Variants in TNXB observed in about 807,000 individuals in gnomAD.
TNXB encodes tenascin XB.
In TNXB, 183 loss-of-function variants were observed where a neutral mutation model predicts 340.5. That is an observed-to-expected ratio of 0.54 (90% CI 0.48 to 0.61). The LOEUF is 0.61. Ranked by LOEUF, TNXB falls within the 20% of genes least tolerant of loss-of-function variation. TNXB has a pLI of 0.00. For synonymous variants in TNXB, 2,121 were observed against 2,314.5 expected, an observed-to-expected ratio of 0.92 and a Z score of 2.40; for missense variants, 4,613 against 5,446.4, an observed-to-expected ratio of 0.85 and a Z score of 4.82.
chr6:32,092,531 T>TGGAC (rs775559052), intron 4 of TNXB, among the ~76,000 whole-genome samples: 1 of 151,284 alleles, frequency 6.6e-6, no homozygotes, highest in Non-Finnish European at 1.5e-5. Flanking sequence ...CCCACAGAAA[T>TGGAC]GGACAAAGGG....
intron 23 of TNXB, 97 bp from the exon 24 acceptor site, chr6:32,056,271 G>T: frequency 7.1e-7 from 1 of 1,413,004 alleles, no homozygotes; most frequent in Non-Finnish European, 9.5e-7. Flanking sequence ...TACTGGGTAT[G>T]TGAGGTCATT....
chr6:32,080,607 C>G lies in TNXB; in HGVS notation c.4042+761G>C, dbSNP rs1041474621. On this transcript the variant is annotated intron_variant, in intron 10 of 43. Coordinates refer to ENST00000644971, the MANE Select transcript of TNXB (RefSeq NM_001365276.2). The surrounding 1 kb of genome is among the most constrained non-coding windows in gnomAD (Gnocchi z 4.3). ...CCTGACAGAAGGGAAAGCTGAGGCACAGAGAGGTTAAGCAATTTGCACAAG... is the reference window on the plus strand; with the variant it reads ...CCTGACAGAAGGGAAAGCTGAGGCAGAGAGAGGTTAAGCAATTTGCACAAG... Among the ~76,000 whole-genome samples, 1 of 152,200 alleles carries G rather than the reference C, an allele frequency of 6.6e-6. No homozygotes were observed. Among genetic ancestry groups the G allele is most frequent in the Non-Finnish European group, 1.5e-5 (1 of 68,040 alleles).
At position 32,070,364 on chromosome 6, in the gene TNXB, A is replaced by C. The variant is rs761353404; in HGVS notation, c.5041T>G (p.Trp1681Gly). ...GAGTCTGGGGTGGGGTCTGTCACCC[A>C]CAGCTCCCCAAGGCGGGGTGGGGCC... ...PGAPPRLGEL[W>G]VTDPTPDSLR... Residue 1681 changes from tryptophan (W) to glycine (G), a missense_variant, in exon 14 of 44, where the codon TGG (tryptophan) becomes GGG (glycine). Transcript: ENST00000644971. This position sits in a 1 kb window ranked among gnomAD's most constrained non-coding sequence, Gnocchi z 6.0. 6.2e-7 allele frequency: 1 copy of C among 1,606,178 alleles called. No individual in the cohort carries two copies. Among genetic ancestry groups the C allele is most frequent in the Non-Finnish European group, 8.5e-7 (1 of 1,176,784 alleles).
In TNXB at chr6:32,079,076, G is replaced by A. The variant is rs61998168; in HGVS notation, c.4332C>T (p.His1444=). 8,595 of 1,613,354 alleles carry A rather than the reference G, an allele frequency of 5.3e-3. 241 individuals carry two copies. The African/African-American group carries it at 0.074, about 14-fold the overall frequency. ...ACACCGGGCCCACGCGCTGCCCCTCGTGGAGGCCGTACAGGTGCATCTTGT... is the reference window on the plus strand; with the variant it reads ...ACACCGGGCCCACGCGCTGCCCCTCATGGAGGCCGTACAGGTGCATCTTGT... The part of the protein sequence containing the change: ...HKYKMHLYGL[H]EGQRVGPVSA... Residue 1444 remains histidine, a synonymous_variant, in exon 11 of 44, where the codon CAC becomes CAT. Coordinates refer to ENST00000644971, the MANE Select transcript of TNXB (RefSeq NM_001365276.2). The surrounding 1 kb of genome is among the most constrained non-coding windows in gnomAD (Gnocchi z 7.1).
rs373401368 is a variant in TNXB at position 32,048,696 on chromosome 6, C to T, written c.9758-46G>A. The T allele has an allele frequency of 4.9e-5, 67 of 1,378,852 alleles. No homozygotes were observed. In the African/African-American group the frequency reaches 8.2e-4, roughly 17 times the overall value. The allele number at this position is 1,378,852 out of a possible 1,614,324, so 85.4% of individuals were successfully genotyped here. ...CCATGGGTCAGGAGGCAGGACCCTG[C>T]GCAAGGGAGGCAGTGCTCTCCCAGG... On this transcript the variant is annotated intron_variant, in intron 28 of 43. Transcript: ENST00000644971.
Position 32,098,154 on chromosome 6 carries a change from CAGG to C in TNXB, c.42_44del (p.Leu15del), listed in dbSNP as rs778404358. 2 of 1,567,536 alleles carry C rather than the reference CAGG, an allele frequency of 1.3e-6. No individual in the cohort carries two copies. The highest frequency in any genetic ancestry group is 1.7e-6 in the Non-Finnish European group (2 of 1,152,210). ...CTGCTCTGGCTGTGCTCAGCAGCACCAGGAGAACCAGGCTGGAGGTTAGAGCAT... is the reference window on the plus strand; with the variant it reads ...CTGCTCTGGCTGTGCTCAGCAGCACCAGAACCAGGCTGGAGGTTAGAGCAT... On this transcript the variant is annotated inframe_deletion, in exon 2 of 44. Transcript: ENST00000644971.
chr6:32,098,432 C>A (rs1398057352), intron 1 of TNXB, among the ~76,000 whole-genome samples: 1 of 151,972 alleles, frequency 6.6e-6, no homozygotes, highest in African/African-American at 2.4e-5. Flanking sequence ...ACCCCCTTTT[C>A]TATTGTGTTC....
In TNXB at chr6:32,089,746, G is replaced by A. The variant is rs189401160; in HGVS notation, c.2359-367C>T. Among the ~76,000 whole-genome samples the A allele has an allele frequency of 2.2e-3, 337 of 152,080 alleles. 1 individual carries two copies. Among genetic ancestry groups the A allele is most frequent in the African/African-American group, 5.1e-3 (211 of 41,482 alleles). ...GTGTGATCCCAGAGTCCCCTCTCAT[G>A]GGCACCCCCTATTTATCTGTCAGAG... On this transcript the variant is annotated intron_variant, in intron 4 of 43. Coordinates refer to ENST00000644971, the MANE Select transcript of TNXB (RefSeq NM_001365276.2). This position sits in a 1 kb window ranked among gnomAD's most constrained non-coding sequence, Gnocchi z 6.2.
rs1291370559 is a variant in TNXB at position 32,085,902 on chromosome 6, T to G, written c.2996A>C (p.Glu999Ala). The G allele has an allele frequency of 3.1e-6, 5 of 1,608,306 alleles. No individual in the cohort carries two copies. The highest frequency in any genetic ancestry group is 4.2e-6 in the Non-Finnish European group (5 of 1,178,732). Residue 999 changes from glutamate to alanine, a missense_variant, in exon 7 of 44, where the codon GAG becomes GCG. Transcript: ENST00000644971. This position sits in a 1 kb window ranked among gnomAD's most constrained non-coding sequence, Gnocchi z 6.4. ...AYFQLRMRVP[E>A]GPGAHEEVLP... ...CACTTCCTCATGTGCCCCCGGCCCCTCGGGCACCCGCATGCGCAGTTGGAA... is the reference window on the plus strand; with the variant it reads ...CACTTCCTCATGTGCCCCCGGCCCCGCGGGCACCCGCATGCGCAGTTGGAA...
chr6:32,060,332 C>CAAA (rs9279480), intron 21 of TNXB, among the ~76,000 whole-genome samples: 1 of 129,312 alleles, frequency 7.7e-6, no homozygotes, highest in African/African-American at 2.9e-5. Flanking sequence ...AACTTCATCT[C>CAAA]AAAAAAAAAA....
rs952624949 is a variant in TNXB at position 32,068,204 on chromosome 6, C to G, written c.6220+186G>C. Reference sequence around the variant, plus strand: ...CCAGCACAGCAAAATTCCCGATGGCCCCTCTCTGTTCAGGAGGAGCCAGTG... The same window carrying G: ...CCAGCACAGCAAAATTCCCGATGGCGCCTCTCTGTTCAGGAGGAGCCAGTG... On this transcript the variant is annotated intron_variant, in intron 17 of 43. Transcript: ENST00000644971. The surrounding 1 kb of genome is among the most constrained non-coding windows in gnomAD (Gnocchi z 5.3). Among the ~76,000 whole-genome samples the G allele has an allele frequency of 5.6e-4, 85 of 152,136 alleles. No individual in the cohort carries two copies. Among genetic ancestry groups the G allele is most frequent in the African/African-American group, 2.0e-3 (84 of 41,408 alleles).
At position 32,062,423 on chromosome 6, in the gene TNXB, G is replaced by A. The variant is rs2269428; in HGVS notation, c.6902C>T (p.Pro2301Leu). 3.5e-5 allele frequency: 56 copies of A among 1,612,688 alleles called. No individual in the cohort carries two copies. Among genetic ancestry groups the A allele is most frequent in the Admixed American group, 6.7e-5 (4 of 59,984 alleles). ...CAGCTCCTCCAGGCGAGGCTTGATG[G>A]GGGGTTCAGGGGTGGGAGGTTCTGT... ...ASTEPPTPEP[P>L]IKPRLEELTV... The change falls in exon 20 of 44, where the codon CCC becomes CTC. Residue 2301 changes from proline to leucine, a missense_variant. Transcript: ENST00000644971. The surrounding 1 kb of genome is among the most constrained non-coding windows in gnomAD (Gnocchi z 4.3).
Position 32,081,500 on chromosome 6 carries a change from C to G in TNXB, c.3910G>C (p.Ala1304Pro), listed in dbSNP as rs1212558739. The change falls in exon 10 of 44, where the codon GCA (alanine) becomes CCA (proline). Residue 1304 changes from alanine to proline, a missense_variant. Ala to Pro is a conservative substitution (Grantham distance 27). Around this residue, in one of 7 missense-constraint regions of TNXB, gnomAD observed 4,327 missense variants for 4,859.4 expected, o/e 0.89. Transcript: ENST00000644971. This position sits in a 1 kb window ranked among gnomAD's most constrained non-coding sequence, Gnocchi z 5.1. ...QYKDAQGQPQ[A>P]VPVAGDENEV... The stretch of plus-strand genomic sequence containing the variant: ...TTCTCATCCCCCGCAACAGGCACTG[C>G]CTGGGGCTGCCCCTGTGCATCCTTG... 2 of 1,606,642 alleles carry G rather than the reference C, an allele frequency of 1.2e-6. No individual in the cohort carries two copies. The highest frequency in any genetic ancestry group is 2.7e-5 in the African/African-American group (2 of 74,806).
In TNXB at chr6:32,066,292, G is replaced by C. The variant is rs557699833; in HGVS notation, c.6545-1175C>G. On this transcript the variant is annotated intron_variant, in intron 18 of 43. Transcript: ENST00000644971. Reference sequence around the variant, plus strand: ...ACCTGTGGCCCCAGCTACCTGGGGGGCTGAGATGGGAGGATGGCTTGAGCC... The same window carrying C: ...ACCTGTGGCCCCAGCTACCTGGGGGCCTGAGATGGGAGGATGGCTTGAGCC... Among the ~76,000 whole-genome samples, 4 of 152,256 alleles carry C rather than the reference G, an allele frequency of 2.6e-5. No homozygotes were observed. The East Asian group carries it at 7.7e-4, about 29-fold the overall frequency.
Position 32,048,643 on chromosome 6 carries a change from C to T in TNXB, c.9765G>A (p.Leu3255=). Residue 3255 remains leucine (L), a synonymous_variant, in exon 29 of 44, where the codon CTG becomes CTA. Coordinates refer to ENST00000644971, the MANE Select transcript of TNXB (RefSeq NM_001365276.2). ...GGGGCTCCACCGGCAGTGGTGTGGG[C>T]AGGGGCGCTGAAAAGAGCAGAGCAG... ...PVSTVGITAP[L]PTPLPVEPRL... 3.4e-6 allele frequency: 5 copies of T among 1,481,784 alleles called. No homozygotes were observed. The highest frequency in any genetic ancestry group is 4.5e-6 in the Non-Finnish European group (5 of 1,110,442). 91.8% of individuals were successfully genotyped at this position (1,481,784 alleles called of 1,614,324 possible).
At chr6:32,106,368 T>C (rs922415712) in intron 1 of TNXB, among the ~76,000 whole-genome samples, 1 of 150,986 alleles carries the variant, frequency 6.6e-6, no homozygotes, top group East Asian at 1.9e-4. Flanking sequence ...TGAGGAGAGA[T>C]GTTGAAAGGT....
In TNXB at chr6:32,043,513, C is replaced by G; in HGVS notation, c.11574G>C (p.Glu3858Asp). The change falls in exon 36 of 44, where the codon GAG (glutamate) becomes GAC (aspartate). Residue 3858 changes from glutamate (E) to aspartate (D), a missense_variant. Glu to Asp is a conservative substitution (Grantham distance 45, BLOSUM62 2). Coordinates refer to ENST00000644971, the MANE Select transcript of TNXB (RefSeq NM_001365276.2). ...GCTTCCAGTGCAGCACGGCGAATCC[C>G]TCGGTCAAGTTCAGTGCACGCAACT... ...PTQLRALNLT[E>D]GFAVLHWKPP... 7.7e-6 allele frequency: 6 copies of G among 778,816 alleles called. No homozygotes were observed. Among genetic ancestry groups the G allele is most frequent in the Non-Finnish European group, 1.2e-5 (6 of 481,850 alleles). The allele number at this position is 778,816 out of a possible 1,614,324, so 48.2% of individuals were successfully genotyped here.
rs1439625966 is a variant in TNXB, at chr6:32,085,893, C to T, written c.3005G>A (p.Gly1002Glu). The change falls in exon 7 of 44, where the codon GGG becomes GAG. Residue 1002 changes from glycine to glutamate, a missense_variant. Gly to Glu is a moderately conservative substitution (Grantham distance 98, BLOSUM62 -2). Around this residue, in one of 7 missense-constraint regions of TNXB, gnomAD observed 4,327 missense variants for 4,859.4 expected, o/e 0.89. Coordinates refer to ENST00000644971, the MANE Select transcript of TNXB (RefSeq NM_001365276.2). This position sits in a 1 kb window ranked among gnomAD's most constrained non-coding sequence, Gnocchi z 6.4. ...CCCTGGCAGCACTTCCTCATGTGCC[C>T]CCGGCCCCTCGGGCACCCGCATGCG... ...QLRMRVPEGPGAHEEVLPGDV... is the reference protein window; with the variant it reads ...QLRMRVPEGPEAHEEVLPGDV... The T allele has an allele frequency of 6.2e-7, 1 of 1,608,328 alleles. No homozygotes were observed. Among genetic ancestry groups the T allele is most frequent in the Admixed American group, 1.7e-5 (1 of 60,024 alleles).
chr6:32,056,921 C>G lies in TNXB; in HGVS notation c.7826-18G>C, dbSNP rs781462004. The G allele has an allele frequency of 5.0e-6, 8 of 1,606,332 alleles. No homozygotes were observed. Among genetic ancestry groups the G allele is most frequent in the Non-Finnish European group, 6.8e-6 (8 of 1,174,490 alleles). On this transcript the variant is annotated intron_variant, in intron 22 of 43. Coordinates refer to ENST00000644971, the MANE Select transcript of TNXB (RefSeq NM_001365276.2). ...TTCATCCTCTGGAGTTGGACAGACA[C>G]GTGTGGGGACAGTGAGGTCCCTGGC...
Sources: allele counts gnomAD v4.1 joint callset (sites outside exome capture counted in the v4.1 genomes callset), GRCh38; gene constraint gnomAD v4.1.1; regional missense constraint gnomAD v4.1.1; non-coding constraint Gnocchi (gnomAD v3.1); transcripts MANE v1.5; gene names NCBI Gene and HGNC (gene_info 2026-07-23, HGNC 2026-07-21).